MYO1D: variants seen among roughly 807,000 people sequenced by gnomAD.
The protein encoded by MYO1D is myosin ID.
Under a neutral mutation model 122.0 loss-of-function variants are expected in MYO1D, and 83 were observed. The observed-to-expected ratio is 0.68, with a 90% CI of 0.57 to 0.82. MYO1D has a LOEUF of 0.82. Ranked by LOEUF, MYO1D falls within the 40% of genes least tolerant of loss-of-function variation. The pLI is 0.00. For missense variants in MYO1D, 1,157 were observed against 1,269.5 expected (o/e 0.91, Z 1.35); for synonymous variants, 464 against 446.9 (o/e 1.04, Z -0.48).
intron 8 of MYO1D, among the ~76,000 whole-genome samples, chr17:32,763,176 A>C (rs1391403008): frequency 1.3e-5 from 2 of 149,570 alleles, no homozygotes; most frequent in Non-Finnish European, 3.0e-5. Flanking sequence ...ACAAAGCGAG[A>C]CTCCATCTCA....
At chr17:32,757,194 T>C (rs2151014174) in intron 10 of MYO1D, among the ~76,000 whole-genome samples, 1 of 152,314 alleles carries the variant, frequency 6.6e-6, no homozygotes. Context: ...GTCTTGCATG[T>C]TCTCTTCTGT....
rs114038962 is a variant in MYO1D at position 32,545,185 on chromosome 17, A to G, written c.2865-50270T>C. Among the ~76,000 whole-genome samples the G allele has an allele frequency of 2.6e-3, 395 of 152,328 alleles. 5 individuals are homozygous for G. Among genetic ancestry groups the G allele is most frequent in the African/African-American group, 9.2e-3 (384 of 41,570 alleles). ...TGCGCAAGACACAAACCAAGGAGTC[A>G]GACTCGAGTTGGAGTCCTAACTCTG... On this transcript the variant is annotated intron_variant, in intron 21 of 21. Transcript: ENST00000318217.
intron 1 of MYO1D, among the ~76,000 whole-genome samples, chr17:32,845,785 T>C (rs868193059): frequency 6.6e-6 from 1 of 152,216 alleles, no homozygotes; most frequent in South Asian, 2.1e-4. Context: ...ACAGAATATT[T>C]CCATCATCAC....
intron 14 of MYO1D, among the ~76,000 whole-genome samples, chr17:32,725,924 T>C (rs1567967559): frequency 2.0e-5 from 3 of 152,120 alleles, no homozygotes; most frequent in African/African-American, 7.2e-5. Context: ...AACTATGAAA[T>C]CCAGAAGACA....
intron 21 of MYO1D, chr17:32,594,599 C>T (rs2087473157): frequency 7.7e-6 from 5 of 648,620 alleles, no homozygotes; most frequent in Non-Finnish European, 1.4e-5. Flanking sequence ...TTGGCCTTTT[C>T]AGAAATAGGC....
intron 1 of MYO1D, among the ~76,000 whole-genome samples, chr17:32,870,056 T>C (rs555626065): frequency 6.6e-6 from 1 of 152,104 alleles, no homozygotes; most frequent in Non-Finnish European, 1.5e-5. Flanking sequence ...AGCAGAAGTC[T>C]CCAGGGTCAA....
chr17:32,840,864 G>C (rs1294308648), intron 1 of MYO1D, among the ~76,000 whole-genome samples: 1 of 152,162 alleles, frequency 6.6e-6, no homozygotes, highest in Non-Finnish European at 1.5e-5. Context: ...ACTTATGATG[G>C]TTTGATTTTT....
At chr17:32,596,989 A>G (rs2087499742) in intron 21 of MYO1D, among the ~76,000 whole-genome samples, 2 of 152,356 alleles carry the variant, frequency 1.3e-5, no homozygotes, top group Middle Eastern at 3.4e-3. Context: ...ACAACCACAG[A>G]AAAAGAAACC....
intron 19 of MYO1D, among the ~76,000 whole-genome samples, chr17:32,640,029 T>C (rs889779135): frequency 1.3e-5 from 2 of 152,066 alleles, no homozygotes; most frequent in African/African-American, 4.8e-5. Flanking sequence ...AAACTAAAAT[T>C]TAAATTTTAG....
intron 17 of MYO1D, among the ~76,000 whole-genome samples, chr17:32,656,919 T>C (rs764050869): frequency 1.3e-5 from 2 of 152,198 alleles, no homozygotes; most frequent in Non-Finnish European, 2.9e-5. Flanking sequence ...CTGTCCTGTC[T>C]TCACTGCCCA....
chr17:32,718,034 TC>T (rs2150989732), intron 15 of MYO1D, among the ~76,000 whole-genome samples: 1 of 152,270 alleles, frequency 6.6e-6, no homozygotes, highest in African/African-American at 2.4e-5. Flanking sequence ...ATACTTCCCA[TC>T]TTTTTTTCTT....
At chr17:32,724,261 C>T (rs1284238481) in intron 14 of MYO1D, among the ~76,000 whole-genome samples, 1 of 152,090 alleles carries the variant, frequency 6.6e-6, no homozygotes, top group Non-Finnish European at 1.5e-5. Context: ...ATGTTTGGCA[C>T]CAGTGTAACA....
chr17:32,688,609 G>A (rs2089053091), intron 16 of MYO1D, among the ~76,000 whole-genome samples: 1 of 152,204 alleles, frequency 6.6e-6, no homozygotes, highest in Non-Finnish European at 1.5e-5. Flanking sequence ...AGGTGAAAAA[G>A]CAGAGATGTT....
At position 32,876,726 on chromosome 17, in the gene MYO1D, C is replaced by CT. The variant is rs2091235625; in HGVS notation, c.95+51dup. ...ATCCGGCCGCGCCCCGAGGCGCCCC[C>CT]TCTCGGGAAAGCGCAGCCTCGCGCC... On this transcript the variant is annotated intron_variant, in intron 1 of 21. Transcript: ENST00000318217. The CT allele has an allele frequency of 1.5e-5, 21 of 1,429,476 alleles. No individual in the cohort carries two copies. In the East Asian group the frequency reaches 6.1e-4, roughly 41 times the overall value. The allele number at this position is 1,429,476 out of a possible 1,614,324, so 88.5% of individuals were successfully genotyped here.
At chr17:32,513,296 C>G (rs899257763) in intron 21 of MYO1D, among the ~76,000 whole-genome samples, 1 of 152,164 alleles carries the variant, frequency 6.6e-6, no homozygotes, top group Non-Finnish European at 1.5e-5. Flanking sequence ...GAGCTGTGAT[C>G]ATGAGAGGGC....
intron 20 of MYO1D, among the ~76,000 whole-genome samples, chr17:32,614,110 T>G (rs1191156913): frequency 1.3e-5 from 2 of 150,390 alleles, no homozygotes; most frequent in East Asian, 3.9e-4. Context: ...TGGAGCATCT[T>G]TGTTCCAAAC....
chr17:32,673,752 A>G (rs2088759801), intron 16 of MYO1D, among the ~76,000 whole-genome samples: 1 of 152,184 alleles, frequency 6.6e-6, no homozygotes, highest in African/African-American at 2.4e-5. Context: ...GTTTCCAGAT[A>G]ATCTTTTGCA....
At chr17:32,720,925 A>G in intron 15 of MYO1D, 98 bp downstream of exon 15, 2 of 1,248,432 alleles carry the variant, frequency 1.6e-6, no homozygotes, top group Non-Finnish European at 2.1e-6. Flanking sequence ...CACCCAACAA[A>G]TATTTATAGA....
Position 32,623,103 on chromosome 17 carries a change from G to GTTCC in MYO1D, c.2709+15618_2709+15619insGGAA, listed in dbSNP as rs150953286. Among the ~76,000 whole-genome samples, 74 of 93,632 alleles carry GTTCC rather than the reference G, an allele frequency of 7.9e-4. 1 individual carries two copies. The highest frequency in any genetic ancestry group is 3.3e-3 in the African/African-American group (62 of 18,732). 61.4% of individuals were successfully genotyped at this position (93,632 alleles called of 152,430 possible). On this transcript the variant is annotated intron_variant, in intron 20 of 21. Coordinates refer to ENST00000318217, the MANE Select transcript of MYO1D (RefSeq NM_015194.3). ...GTGGCTCCCAAGAAGCAGAATGGCT[G>GTTCC]CTCAACAGGAGCCAAAGTAGTAGTT...
Sources: gnomAD v4.1 joint callset for allele counts (sites outside exome capture counted in the v4.1 genomes callset) on GRCh38, gnomAD v4.1.1 for gene constraint, MANE v1.5 for transcripts, NCBI Gene and HGNC (gene_info 2026-07-23, HGNC 2026-07-21) for gene names.